Variants in AKNA observed in about 807,000 individuals in gnomAD.
AKNA encodes the protein AT-hook transcription factor, also known as microtubule organization protein AKNA.
A neutral mutation model predicts 138.8 loss-of-function variants in AKNA; 67 were observed. The observed-to-expected ratio is 0.48, with a 90% CI of 0.40 to 0.59. The LOEUF (loss-of-function observed/expected upper bound fraction) is 0.59. Ranked by LOEUF, AKNA falls within the 20% of genes least tolerant of loss-of-function variation. AKNA has a pLI of 0.00. For missense variants in AKNA, 1,813 were observed against 1,880.4 expected (o/e 0.96, Z 0.66); for synonymous variants, 737 against 754.4 (o/e 0.98, Z 0.38).
In AKNA at chr9:114,362,553, G is replaced by A. The variant is rs1488151207; in HGVS notation, c.1789-20C>T. 2 of 1,610,670 alleles carry A rather than the reference G, an allele frequency of 1.2e-6. No individual in the cohort carries two copies. Among genetic ancestry groups the A allele is most frequent in the East Asian group, 2.2e-5 (1 of 44,828 alleles). ...GAAGCCCTGAAACCAGACCAGGCCA[G>A]GAAGACTTGAGTGCTCAGTCCCCGC... On this transcript the variant is annotated intron_variant, in intron 7 of 21. Coordinates refer to ENST00000374088, the MANE Select transcript of AKNA (RefSeq NM_001317950.2).
chr9:114,363,393 C>T (rs1162419272), intron 7 of AKNA, among the ~76,000 whole-genome samples: 1 of 152,250 alleles, frequency 6.6e-6, no homozygotes, highest in East Asian at 1.9e-4. Context: ...TCCCTGGTCA[C>T]ATCTAATCTT....
downstream of AKNA, chr9:114,330,908 C>T (rs751641777): frequency 2.3e-5 from 35 of 1,532,170 alleles, no homozygotes; most frequent in South Asian, 3.8e-4. Context: ...GGGAACAGGG[C>T]AGGCCAGCAT....
At position 114,350,981 on chromosome 9, in the gene AKNA, A is replaced by G; in HGVS notation, c.3099T>C (p.Ser1033=). The G allele has an allele frequency of 6.2e-7, 1 of 1,613,782 alleles. No individual in the cohort carries two copies. Among genetic ancestry groups the G allele is most frequent in the Non-Finnish European group, 8.5e-7 (1 of 1,179,986 alleles). The change falls in exon 15 of 22, where the codon TCT becomes TCC. Residue 1033 remains serine (S), a synonymous_variant. Coordinates refer to ENST00000374088, the MANE Select transcript of AKNA (RefSeq NM_001317950.2). The part of the protein sequence containing the change: ...GSEFEGHKRI[S]EQPLPNKTIS... ...TTGTCTTGTTGGGAAGGGGCTGTTC[A>G]GAAATCCGTTTGTGCCCCTCAAACT...
upstream of AKNA, among the ~76,000 whole-genome samples, chr9:114,395,387 T>C (rs1230893065): frequency 4.6e-5 from 7 of 152,034 alleles, no homozygotes; most frequent in East Asian, 1.2e-3. Flanking sequence ...CTTGGCACAA[T>C]GACAAATCTT....
intron 18 of AKNA, chr9:114,344,982 A>AC (rs1830584613): frequency 6.6e-6 from 1 of 151,980 alleles, no homozygotes; most frequent in Admixed American, 6.6e-5. Flanking sequence ...TCTGTGAGAG[A>AC]TGATGCCTTT....
chr9:114,337,036 T>TTCCCC lies in AKNA; in HGVS notation c.*17_*18insGGGGA. 2 of 65,218 alleles carry TTCCCC rather than the reference T, an allele frequency of 3.1e-5. No homozygotes were observed. The highest frequency in any genetic ancestry group is 3.7e-4 in the South Asian group (1 of 2,702). The allele number at this position is 65,218 out of a possible 1,614,324, so 4.0% of individuals were successfully genotyped here. A position where few individuals can be genotyped will look rare whatever the true frequency, so the allele number is the denominator to read the frequency against. On this transcript the variant is annotated 3_prime_UTR_variant, in exon 22 of 22. Transcript: ENST00000374088. ...CTGCCCACCCACCCACCCATCTGCCTCTGGGCCCCCAGTGAAGTCAGAAGA... is the reference window on the plus strand; with the variant it reads ...CTGCCCACCCACCCACCCATCTGCCTTCCCCCTGGGCCCCCAGTGAAGTCAGAAGA...
In AKNA at chr9:114,381,299, T is replaced by TGGG; in HGVS notation, c.34_35insCCC (p.Glu12delinsAlaGln). 1 of 1,608,416 alleles carries TGGG rather than the reference T, an allele frequency of 6.2e-7. No homozygotes were observed. Among genetic ancestry groups the TGGG allele is most frequent in the Middle Eastern group, 1.7e-4 (1 of 6,052 alleles). ...CTGGGGGCCCTTCCCCAGGCCAGGC[T>TGGG]CAGCCCAGCGGATCTCAGTCTCCGA... is the stretch of plus-strand genomic sequence containing the variant. On this transcript the variant is annotated protein_altering_variant, in exon 2 of 22. Coordinates refer to ENST00000374088, the MANE Select transcript of AKNA (RefSeq NM_001317950.2).
At chr9:114,388,063 C>G (rs927740133), upstream of AKNA, 7 of 264,896 alleles carry the variant, frequency 2.6e-5, no homozygotes, top group Non-Finnish European at 5.8e-5. Context: ...CGCCTCGCCT[C>G]GGCAGGAAGC....
At chr9:114,378,621 C>A (rs149614190) in intron 2 of AKNA, among the ~76,000 whole-genome samples, 94 of 152,036 alleles carry the variant, frequency 6.2e-4, no homozygotes, top group African/African-American at 2.1e-3. Flanking sequence ...TATATAAAGC[C>A]CCCAGGAAAT....
intron 1 of AKNA, among the ~76,000 whole-genome samples, chr9:114,382,588 GAA>G (rs72172564): frequency 8.3e-5 from 7 of 84,730 alleles, no homozygotes; most frequent in Admixed American, 2.6e-4. Context: ...GTCTCAAAAG[GAA>G]AAAAAAAAAA....
At chr9:114,331,496 C>T, downstream of AKNA, 1 of 1,277,808 alleles carries the variant, frequency 7.8e-7, no homozygotes, top group Non-Finnish European at 1.1e-6. Context: ...ACACCTAGGA[C>T]TCCTCACCTG....
At position 114,372,907 on chromosome 9, in the gene AKNA, G is replaced by C. The variant is rs10982184; in HGVS notation, c.1416+1186C>G. 1.0e-3 allele frequency among the ~76,000 whole-genome samples: 151 copies of C among 148,782 alleles called. 1 individual carries two copies. In the East Asian group the frequency reaches 0.029, roughly 28 times the overall value. The stretch of plus-strand genomic sequence containing the variant: ...TAGCCCCTCTTTTACAGATGTGCCC[G>C]ATGAGGCCAAGAGGGAAGGGTCCTG... On this transcript the variant is annotated intron_variant, in intron 4 of 21. Transcript: ENST00000374088.
Position 114,347,787 on chromosome 9 carries a change from C to A in AKNA, c.3335G>T (p.Arg1112Leu). 1 of 1,548,146 alleles carries A rather than the reference C, an allele frequency of 6.5e-7. No individual in the cohort carries two copies. Among genetic ancestry groups the A allele is most frequent in the Non-Finnish European group, 8.7e-7 (1 of 1,145,704 alleles). Residue 1112 changes from arginine to leucine, a missense_variant, in exon 16 of 22, where the codon CGC becomes CTC. Arg to Leu is a moderately radical substitution (Grantham distance 102, BLOSUM62 -2). Coordinates refer to ENST00000374088, the MANE Select transcript of AKNA (RefSeq NM_001317950.2). Reference protein sequence around the residue: ...SPTRPASAFDRPARTRGRPAD... With the variant: ...SPTRPASAFDLPARTRGRPAD... The stretch of plus-strand genomic sequence containing the variant: ...TGGCCGGCCGCGGGTCCGGGCGGGG[C>A]GGTCAAAGGCAGATGCTGGGCGTGT...
At chr9:114,358,733 A>T (rs1368286756) in intron 11 of AKNA, among the ~76,000 whole-genome samples, 1 of 151,740 alleles carries the variant, frequency 6.6e-6, no homozygotes, top group East Asian at 1.9e-4. Flanking sequence ...TCACAAGGAC[A>T]AAAAACCAAA....
intron 14 of AKNA, among the ~76,000 whole-genome samples, chr9:114,352,642 G>T (rs990025894): frequency 6.6e-6 from 1 of 151,486 alleles, no homozygotes; most frequent in Non-Finnish European, 1.5e-5. Flanking sequence ...TAATGAACCA[G>T]CTGGGCGTGG....
At position 114,335,354 on chromosome 9, in the gene AKNA, G is replaced by A. The variant is rs188412134; in HGVS notation, c.*1700C>T. 1 of 152,274 alleles carries A rather than the reference G, an allele frequency of 6.6e-6. No homozygotes were observed. The highest frequency in any genetic ancestry group is 2.1e-4 in the South Asian group (1 of 4,830). The allele number at this position is 152,274 out of a possible 1,614,324, so 9.4% of individuals were successfully genotyped here. On this transcript the variant is annotated 3_prime_UTR_variant, in exon 22 of 22. Transcript: ENST00000374088. ...ACCCCACTCTCCTCATCAGTAAAAGGGGGGCAGAGTGAGGGTCCTGAGGGT... is the reference window on the plus strand; with the variant it reads ...ACCCCACTCTCCTCATCAGTAAAAGAGGGGCAGAGTGAGGGTCCTGAGGGT...
chr9:114,377,663 T>C, intron 2 of AKNA, 131 bp from the exon 3 acceptor site: 7 of 977,494 alleles, frequency 7.2e-6, no homozygotes, highest in Non-Finnish European at 1.0e-5. Flanking sequence ...CCCAAGGTGG[T>C]GGTAGACTTA....
intron 15 of AKNA, among the ~76,000 whole-genome samples, chr9:114,348,701 T>C (rs371633054): frequency 6.6e-6 from 1 of 152,216 alleles, no homozygotes; most frequent in South Asian, 2.1e-4. Flanking sequence ...TTCAGGGTCT[T>C]GTTTTGTGGG....
chr9:114,386,288 T>C (rs1834026259), intron 1 of AKNA, among the ~76,000 whole-genome samples: 1 of 152,154 alleles, frequency 6.6e-6, no homozygotes, highest in East Asian at 1.9e-4. Context: ...GGTAGTACAA[T>C]ACAGAAGTGT....
Sources: gnomAD v4.1 joint callset for allele counts (sites outside exome capture counted in the v4.1 genomes callset) on GRCh38, gnomAD v4.1.1 for gene constraint, MANE v1.5 for transcripts, NCBI Gene and HGNC (gene_info 2026-07-23, HGNC 2026-07-21) for gene names.